The following TAFA1 variants were observed in gnomAD, a reference collection of about 807,000 sequenced individuals.
TAFA1 encodes chemokine-like protein TAFA-1.
In TAFA1, 4 loss-of-function variants were observed where a neutral mutation model predicts 18.5. The observed-to-expected ratio is 0.22, with a 90% CI of 0.11 to 0.49. TAFA1 has a LOEUF of 0.49. TAFA1 is among the 20% of genes least tolerant of loss of function. The pLI is 0.98. For missense variants in TAFA1, 147 were observed against 169.0 expected (o/e 0.87, Z 0.72); for synonymous variants, 56 against 55.2 (o/e 1.01, Z -0.06).
At chr3:68,381,608 G>T (rs945188000) in intron 2 of TAFA1, among the ~76,000 whole-genome samples, 1 of 152,140 alleles carries the variant, frequency 6.6e-6, no homozygotes, top group Non-Finnish European at 1.5e-5. Context: ...TGTGATTTTT[G>T]TACATTGATT....
intron 2 of TAFA1, among the ~76,000 whole-genome samples, chr3:68,395,972 G>T (rs1008721940): frequency 6.6e-6 from 1 of 151,504 alleles, no homozygotes; most frequent in Non-Finnish European, 1.5e-5. Flanking sequence ...ATATCTACTG[G>T]CATTCTCCCC....
chr3:68,472,077 G>T lies in TAFA1; in HGVS notation c.259+54657G>T, dbSNP rs983677719. Among the ~76,000 whole-genome samples the T allele has an allele frequency of 3.3e-5, 5 of 152,064 alleles. No individual in the cohort carries two copies. In the East Asian group the frequency reaches 5.8e-4, roughly 18 times the overall value. The stretch of plus-strand genomic sequence containing the variant: ...TTGAAATGTGAGGACATGAGATTTG[G>T]GGGGGACCAGTGACAGAATGATATG... On this transcript the variant is annotated intron_variant, in intron 3 of 4. Transcript: ENST00000478136.
intron 2 of TAFA1, among the ~76,000 whole-genome samples, chr3:68,370,145 T>C (rs2069651619): frequency 6.8e-6 from 1 of 147,300 alleles, no homozygotes; most frequent in South Asian, 2.2e-4. Flanking sequence ...AAAATTAGCC[T>C]GGCAATGTGG....
Position 68,004,615 on chromosome 3 carries a change from T to A in TAFA1, c.-91T>A, listed in dbSNP as rs1378613954. 1 of 151,966 alleles carries A rather than the reference T, an allele frequency of 6.6e-6. No homozygotes were observed. Among genetic ancestry groups the A allele is most frequent in the Non-Finnish European group, 1.5e-5 (1 of 67,996 alleles). 9.4% of individuals were successfully genotyped at this position (151,966 alleles called of 1,614,324 possible). On this transcript the variant is annotated 5_prime_UTR_variant, in exon 1 of 5. Transcript: ENST00000478136. Reference sequence around the variant, plus strand: ...TGGGAAGCTCTTTGAAAAAAAATTTTAAATTGTGGCACAGATGGATTTTAA... The same window carrying A: ...TGGGAAGCTCTTTGAAAAAAAATTTAAAATTGTGGCACAGATGGATTTTAA...
chr3:68,020,184 A>G (rs1039047839), intron 2 of TAFA1, among the ~76,000 whole-genome samples: 1 of 152,180 alleles, frequency 6.6e-6, no homozygotes, highest in South Asian at 2.1e-4. Context: ...GCCACGTAGC[A>G]TCTACTTACA....
chr3:67,992,542 C>G, the TAFA1 span, among the ~76,000 whole-genome samples: 1 of 152,140 alleles, frequency 6.6e-6, no homozygotes. Context: ...TTGAGAAGGA[C>G]AGCATACTTC....
chr3:68,353,865 T>C (rs1476062188), intron 2 of TAFA1, among the ~76,000 whole-genome samples: 1 of 152,052 alleles, frequency 6.6e-6, no homozygotes, highest in Non-Finnish European at 1.5e-5. Context: ...CCCAAATTAA[T>C]CAACCCCAGT....
chr3:68,350,923 A>T (rs2069254414), intron 2 of TAFA1, among the ~76,000 whole-genome samples: 1 of 152,098 alleles, frequency 6.6e-6, no homozygotes. Context: ...AATTCCATTA[A>T]AGAATTCCTA....
At chr3:68,536,153 T>C (rs533971475) in intron 3 of TAFA1, among the ~76,000 whole-genome samples, 1 of 152,244 alleles carries the variant, frequency 6.6e-6, no homozygotes, top group East Asian at 1.9e-4. Context: ...AAAGTAAAGA[T>C]TGAGGAACAC....
intron 2 of TAFA1, among the ~76,000 whole-genome samples, chr3:68,361,525 C>T (rs986814689): frequency 5.3e-5 from 8 of 151,806 alleles, no homozygotes; most frequent in African/African-American, 1.9e-4. Context: ...ATGGTAAATA[C>T]TCAAAGTAAT....
chr3:68,264,635 G>T (rs1270461634), intron 2 of TAFA1, among the ~76,000 whole-genome samples: 1 of 152,004 alleles, frequency 6.6e-6, no homozygotes, highest in Non-Finnish European at 1.5e-5. Context: ...AAGTAAACTA[G>T]CATTACCTAT....
At chr3:68,006,779 C>T in intron 2 of TAFA1, 35 bp downstream of exon 2, 1 of 1,371,284 alleles carries the variant, frequency 7.3e-7, no homozygotes, top group Non-Finnish European at 1.0e-6. Flanking sequence ...CAGCCTCCTC[C>T]AGTCTTACCA....
intron 2 of TAFA1, among the ~76,000 whole-genome samples, chr3:68,140,542 C>A (rs1188573389): frequency 6.6e-6 from 1 of 152,122 alleles, no homozygotes; most frequent in East Asian, 1.9e-4. Flanking sequence ...TTTTTGAGTG[C>A]CTACCCTGCA....
chr3:68,493,680 G>A (rs762479520), intron 3 of TAFA1, among the ~76,000 whole-genome samples: 3 of 152,220 alleles, frequency 2.0e-5, no homozygotes, highest in Non-Finnish European at 4.4e-5. Flanking sequence ...CCTAATGGAT[G>A]TAAGAGGAAA....
In TAFA1 at chr3:68,092,074, A is replaced by G. The variant is rs1335560361; in HGVS notation, c.118+85330A>G. ...TCCCAAATCACAAAACATAAGCCCA[A>G]ATTCTGTAATAAGCCCTCTCTAATA... On this transcript the variant is annotated intron_variant, in intron 2 of 4. Coordinates refer to ENST00000478136, the MANE Select transcript of TAFA1 (RefSeq NM_213609.4). Among the ~76,000 whole-genome samples the G allele has an allele frequency of 2.0e-5, 3 of 152,088 alleles. No individual in the cohort carries two copies. In the East Asian group the frequency reaches 5.8e-4, roughly 29 times the overall value.
At chr3:68,401,787 G>A (rs950571573) in intron 2 of TAFA1, among the ~76,000 whole-genome samples, 5 of 152,136 alleles carry the variant, frequency 3.3e-5, no homozygotes, top group African/African-American at 9.7e-5. Flanking sequence ...TCTTGGAGCA[G>A]GGGGTGAAAT....
chr3:68,392,940 A>G (rs1698882421), intron 2 of TAFA1, among the ~76,000 whole-genome samples: 1 of 152,334 alleles, frequency 6.6e-6, no homozygotes, highest in Middle Eastern at 3.4e-3. Flanking sequence ...CGTCACAATT[A>G]AAAGAACTAG....
chr3:68,459,023 A>T (rs993004378), intron 3 of TAFA1, among the ~76,000 whole-genome samples: 2 of 152,186 alleles, frequency 1.3e-5, no homozygotes, highest in Non-Finnish European at 2.9e-5. Context: ...AGTCATTGCA[A>T]AGCATTAGCC....
At chr3:68,352,697 G>A (rs952356744) in intron 2 of TAFA1, among the ~76,000 whole-genome samples, 3 of 152,080 alleles carry the variant, frequency 2.0e-5, no homozygotes, top group African/African-American at 7.2e-5. Context: ...GTTTCTGTCA[G>A]TAGGAAGGCA....
Sources: gnomAD v4.1 joint callset for allele counts (sites outside exome capture counted in the v4.1 genomes callset) on GRCh38, gnomAD v4.1.1 for gene constraint, MANE v1.5 for transcripts, NCBI Gene and HGNC (gene_info 2026-07-23, HGNC 2026-07-21) for gene names.